The following CLOCK variants were observed in gnomAD, a reference collection of about 807,000 sequenced individuals.
CLOCK encodes circadian locomoter output cycles protein kaput.
CLOCK carries 43 observed loss-of-function variants against 118.4 expected under a neutral mutation model. The observed-to-expected ratio is 0.36, with a 90% CI of 0.28 to 0.47. CLOCK has a LOEUF of 0.47. CLOCK is among the 20% of genes least tolerant of loss of function. CLOCK has a pLI of 1.00. For missense variants in CLOCK, 846 were observed against 999.9 expected (o/e 0.85, Z 2.08); for synonymous variants, 326 against 339.2 (o/e 0.96, Z 0.43).
chr4:55,479,070 A>G, intron 5 of CLOCK, 107 bp from the exon 6 acceptor site: 3 of 888,008 alleles, frequency 3.4e-6, no homozygotes, highest in Non-Finnish European at 5.0e-6. Flanking sequence ...CTATCAACAT[A>G]GATGGTAACA....
At chr4:55,541,630 T>G (rs947801232) in intron 1 of CLOCK, among the ~76,000 whole-genome samples, 24 of 152,188 alleles carry the variant, frequency 1.6e-4, no homozygotes, top group African/African-American at 5.8e-4. Context: ...GGAAACAATT[T>G]TCTTTTAATA....
chr4:55,535,323 T>C (rs891162134), intron 1 of CLOCK, among the ~76,000 whole-genome samples: 1 of 152,110 alleles, frequency 6.6e-6, no homozygotes, highest in African/African-American at 2.4e-5. Flanking sequence ...TTTTAAAAAA[T>C]ATACATCAAA....
intron 2 of CLOCK, among the ~76,000 whole-genome samples, chr4:55,495,963 TGG>T (rs1728046395): frequency 6.6e-6 from 1 of 152,010 alleles, no homozygotes; most frequent in Non-Finnish European, 1.5e-5. Context: ...TCAAGGTGGG[TGG>T]ATCACCTGAG....
At chr4:55,481,767 C>T (rs1308908296) in intron 4 of CLOCK, among the ~76,000 whole-genome samples, 2 of 152,180 alleles carry the variant, frequency 1.3e-5, no homozygotes, top group Non-Finnish European at 2.9e-5. Context: ...TAATGTCAGA[C>T]AAACCAACAC....
At chr4:55,489,120 G>A (rs1047809365) in intron 3 of CLOCK, among the ~76,000 whole-genome samples, 2 of 152,160 alleles carry the variant, frequency 1.3e-5, no homozygotes, top group African/African-American at 4.8e-5. Flanking sequence ...TTTCTCACTT[G>A]TGTATTATTC....
At chr4:55,503,717 G>T (rs1728579104) in intron 2 of CLOCK, among the ~76,000 whole-genome samples, 1 of 151,876 alleles carries the variant, frequency 6.6e-6, no homozygotes, top group South Asian at 2.1e-4. Flanking sequence ...TTCTACATCA[G>T]CCTGCCTCTT....
intron 4 of CLOCK, 32 bp downstream of exon 4, chr4:55,482,707 A>C (rs768381780): frequency 6.9e-7 from 1 of 1,450,830 alleles, no homozygotes; most frequent in Non-Finnish European, 9.5e-7. Context: ...AAATAATTAT[A>C]TATAACTTAA....
At chr4:55,512,290 GTAGTAGTATCTCA>G (rs370624820) in intron 1 of CLOCK, among the ~76,000 whole-genome samples, 1 of 152,238 alleles carries the variant, frequency 6.6e-6, no homozygotes, top group African/African-American at 2.4e-5. Context: ...AAATATGTAT[GTAGTAGTATCTCA>G]TTTTAATTTG....
intron 7 of CLOCK, 132 bp from the exon 8 acceptor site, chr4:55,470,938 C>T: frequency 1.5e-6 from 1 of 660,360 alleles, no homozygotes; most frequent in South Asian, 1.8e-5. Context: ...ATAATACTAG[C>T]TTTCCCCCTT....
At chr4:55,437,038 T>C (rs1437153867) in intron 22 of CLOCK, among the ~76,000 whole-genome samples, 2 of 152,172 alleles carry the variant, frequency 1.3e-5, no homozygotes, top group African/African-American at 2.4e-5. Flanking sequence ...CCCTACATAA[T>C]AATTTAGAAC....
At position 55,538,327 on chromosome 4, in the gene CLOCK, G is replaced by T. The variant is rs576371129; in HGVS notation, c.-290+8455C>A. ...GATAAACAGACCAATAGATGATGCCGATATTGGAAAAGACAAGCATTTAAA... is the reference window on the plus strand; with the variant it reads ...GATAAACAGACCAATAGATGATGCCTATATTGGAAAAGACAAGCATTTAAA... On this transcript the variant is annotated intron_variant, in intron 1 of 22. Transcript: ENST00000513440. Among the ~76,000 whole-genome samples, 28 of 152,216 alleles carry T rather than the reference G, an allele frequency of 1.8e-4. 2 individuals are homozygous for T. In the South Asian group the frequency reaches 5.8e-3, roughly 32 times the overall value.
chr4:55,519,056 T>C lies in CLOCK; in HGVS notation c.-289-8991A>G, dbSNP rs73153686. On this transcript the variant is annotated intron_variant, in intron 1 of 22. Coordinates refer to ENST00000513440, the MANE Select transcript of CLOCK (RefSeq NM_004898.4). ...TTATTCAAGTCCTGCAATTTTATTTTATTTTACTTTTACTTGATAGGGTTT... is the reference window on the plus strand; with the variant it reads ...TTATTCAAGTCCTGCAATTTTATTTCATTTTACTTTTACTTGATAGGGTTT... 5.9e-3 allele frequency among the ~76,000 whole-genome samples: 901 copies of C among 152,272 alleles called. 8 individuals are homozygous for C. The highest frequency in any genetic ancestry group is 0.02 in the African/African-American group (849 of 41,540).
chr4:55,440,575 A>G (rs1723286982), intron 21 of CLOCK, among the ~76,000 whole-genome samples: 1 of 152,180 alleles, frequency 6.6e-6, no homozygotes, highest in Non-Finnish European at 1.5e-5. Context: ...CTACACAACC[A>G]AATACTTTAA....
At chr4:55,491,361 A>G (rs549192367) in intron 2 of CLOCK, among the ~76,000 whole-genome samples, 2 of 142,992 alleles carry the variant, frequency 1.4e-5, no homozygotes, top group East Asian at 2.1e-4. Context: ...GAGTAGAAAT[A>G]AAACAGTGAA....
intron 2 of CLOCK, among the ~76,000 whole-genome samples, chr4:55,505,126 G>T (rs1223195887): frequency 2.0e-5 from 3 of 149,948 alleles, no homozygotes; most frequent in Non-Finnish European, 4.4e-5. Context: ...CAGCCTAGGT[G>T]CCAGAGCAAG....
At position 55,475,972 on chromosome 4, in the gene CLOCK, T is replaced by G. The variant is rs1176726552; in HGVS notation, c.339A>C (p.Leu113Phe). 1.2e-6 allele frequency: 2 copies of G among 1,608,548 alleles called. No homozygotes were observed. The highest frequency in any genetic ancestry group is 1.7e-6 in the Non-Finnish European group (2 of 1,175,382). Reference protein sequence around the residue: ...TFLSNEEFTQLMLEALDGFFL... With the variant: ...TFLSNEEFTQFMLEALDGFFL... ...TTAAATCTGGACATACCTCTAACAT[T>G]AATTGTGTAAACTCTTCATTACTAA... The change falls in exon 7 of 23, where the codon TTA becomes TTC. Residue 113 changes from leucine (L) to phenylalanine (F), a missense_variant. Transcript: ENST00000513440.
Position 55,438,395 on chromosome 4 carries a change from T to C in CLOCK, c.2248A>G (p.Thr750Ala), listed in dbSNP as rs2109647931. 3 of 1,613,944 alleles carry C rather than the reference T, an allele frequency of 1.9e-6. No individual in the cohort carries two copies. Among genetic ancestry groups the C allele is most frequent in the Non-Finnish European group, 2.5e-6 (3 of 1,180,010 alleles). Residue 750 changes from threonine (T) to alanine (A), a missense_variant, in exon 22 of 23, where the codon ACA becomes GCA. By Grantham distance (58) the Thr-to-Ala change is moderately conservative. This residue lies in a region of CLOCK where 520 missense variants were observed against 558.0 expected (regional missense o/e 0.93). Coordinates refer to ENST00000513440, the MANE Select transcript of CLOCK (RefSeq NM_004898.4). ...TGCTGCTGCTGCGTTACTGACAATG[T>C]CTGTGACTGTTGCTGTTGTGTAGCA... is the stretch of plus-strand genomic sequence containing the variant. Reference protein sequence around the residue: ...TFATQQQQSQTLSVTQQQQQQ... With the variant: ...TFATQQQQSQALSVTQQQQQQ...
At chr4:55,437,418 G>A (rs753009075) in intron 22 of CLOCK, among the ~76,000 whole-genome samples, 1 of 152,158 alleles carries the variant, frequency 6.6e-6, no homozygotes, top group Non-Finnish European at 1.5e-5. Context: ...GGATCCTGAG[G>A]TCCAGATAAG....
At chr4:55,443,566 T>C in intron 20 of CLOCK, 121 bp downstream of exon 20, 1 of 802,702 alleles carries the variant, frequency 1.2e-6, no homozygotes, top group Non-Finnish European at 2.1e-6. Context: ...AATACTATAC[T>C]TTCTAAATAC....
Sources: allele counts gnomAD v4.1 joint callset (sites outside exome capture counted in the v4.1 genomes callset), GRCh38; gene constraint gnomAD v4.1.1; regional missense constraint gnomAD v4.1.1; transcripts MANE v1.5; gene names NCBI Gene and HGNC (gene_info 2026-07-23, HGNC 2026-07-21).